Variants in VWA8 observed in about 807,000 individuals in gnomAD.
The protein encoded by VWA8 is von Willebrand factor A domain containing 8.
A neutral mutation model predicts 241.5 loss-of-function variants in VWA8; 221 were observed. The observed-to-expected ratio is 0.91, with a 90% CI of 0.82 to 1.02. The LOEUF (loss-of-function observed/expected upper bound fraction) is 1.02, where lower values mean the gene tolerates loss of function less well. VWA8 is among the 50% of genes least tolerant of loss of function. The probability of loss-of-function intolerance (pLI) is 0.00; values close to 1 mark genes in which losing one functional copy is unlikely to be tolerated. For missense variants in VWA8, 2,322 were observed against 2,328.7 expected (o/e 1.00, Z 0.06); for synonymous variants, 852 against 827.1 (o/e 1.03, Z -0.52).
chr13:41,847,465 C>A (rs1457357107), intron 12 of VWA8, among the ~76,000 whole-genome samples: 1 of 152,164 alleles, frequency 6.6e-6, no homozygotes, highest in Non-Finnish European at 1.5e-5. Context: ...AGAAGCCAGA[C>A]AGATTTAAGG....
intron 37 of VWA8, among the ~76,000 whole-genome samples, chr13:41,652,772 A>G (rs1454544280): frequency 6.6e-6 from 1 of 152,220 alleles, no homozygotes; most frequent in Non-Finnish European, 1.5e-5. Flanking sequence ...TCTTTCATAA[A>G]AGCCTTTCAT....
intron 35 of VWA8, among the ~76,000 whole-genome samples, chr13:41,683,702 T>C (rs1593695067): frequency 6.6e-6 from 1 of 152,138 alleles, no homozygotes. Flanking sequence ...ATCAGAAGGC[T>C]ATGGCAACAT....
At chr13:41,915,235 C>G (rs1876195958) in intron 2 of VWA8, among the ~76,000 whole-genome samples, 1 of 152,176 alleles carries the variant, frequency 6.6e-6, no homozygotes, top group African/African-American at 2.4e-5. Flanking sequence ...GTTTATGCTC[C>G]TGGGAGTGTC....
At position 41,833,337 on chromosome 13, in the gene VWA8, G is replaced by A. The variant is rs200980189; in HGVS notation, c.1586+34C>T. The A allele has an allele frequency of 2.2e-5, 34 of 1,575,670 alleles. No homozygotes were observed. The African/African-American group carries it at 3.4e-4, about 16-fold the overall frequency. The stretch of plus-strand genomic sequence containing the variant: ...TACTGCTTAAGTCAGAGTGGGGTGT[G>A]TGTCTGTGTGTGATTTTTGTGACTC... On this transcript the variant is annotated intron_variant, in intron 13 of 44. Coordinates refer to ENST00000379310, the MANE Select transcript of VWA8 (RefSeq NM_015058.2).
At chr13:41,935,969 C>A (rs1877330669) in intron 2 of VWA8, among the ~76,000 whole-genome samples, 1 of 152,112 alleles carries the variant, frequency 6.6e-6, no homozygotes, top group African/African-American at 2.4e-5. Context: ...CTTCTACTTT[C>A]TATCTCTACC....
chr13:41,915,988 T>C (rs952502749), intron 2 of VWA8, among the ~76,000 whole-genome samples: 3 of 152,190 alleles, frequency 2.0e-5, no homozygotes, highest in South Asian at 2.1e-4. Flanking sequence ...AGCAGACCTA[T>C]TGTATAAAGA....
intron 21 of VWA8, among the ~76,000 whole-genome samples, chr13:41,755,539 T>G (rs1467060803): frequency 6.6e-6 from 1 of 151,980 alleles, no homozygotes; most frequent in Non-Finnish European, 1.5e-5. Flanking sequence ...ATAGATAACA[T>G]ATCTATACTT....
At chr13:41,571,962 C>A (rs1387944822) in intron 43 of VWA8, among the ~76,000 whole-genome samples, 2 of 152,240 alleles carry the variant, frequency 1.3e-5, no homozygotes, top group East Asian at 3.9e-4. Context: ...GACCGGCCGC[C>A]CAGTCTGGGA....
At chr13:41,778,428 C>A (rs192507759) in intron 19 of VWA8, among the ~76,000 whole-genome samples, 1 of 152,094 alleles carries the variant, frequency 6.6e-6, no homozygotes, top group Non-Finnish European at 1.5e-5. Context: ...CTGTACACTT[C>A]TAGGGAACAT....
intron 19 of VWA8, among the ~76,000 whole-genome samples, chr13:41,781,316 C>T (rs1245247442): frequency 6.6e-6 from 1 of 152,074 alleles, no homozygotes; most frequent in Non-Finnish European, 1.5e-5. Context: ...CCTAAATGAG[C>T]TATTGTCTCA....
At chr13:41,573,540 C>CGT (rs201801178) in intron 43 of VWA8, among the ~76,000 whole-genome samples, 1,699 of 125,082 alleles carry the variant, frequency 0.014, 41 homozygotes, top group African/African-American at 0.051. Flanking sequence ...TATATATATA[C>CGT]GTATATATAA....
rs185415973 is a variant in VWA8 at position 41,609,278 on chromosome 13, C to T, written c.4877+2298G>A. The stretch of plus-strand genomic sequence containing the variant: ...CCATAAAAGCATCAATGGTGGGAAC[C>T]GACCTCATTCTGCATATGCCTAAGT... On this transcript the variant is annotated intron_variant, in intron 39 of 44. Transcript: ENST00000379310. Among the ~76,000 whole-genome samples, 21 of 152,258 alleles carry T rather than the reference C, an allele frequency of 1.4e-4. No individual in the cohort carries two copies. In the East Asian group the frequency reaches 3.5e-3, roughly 25 times the overall value.
At chr13:41,744,713 A>C (rs1484733630) in intron 21 of VWA8, among the ~76,000 whole-genome samples, 1 of 152,238 alleles carries the variant, frequency 6.6e-6, no homozygotes, top group Non-Finnish European at 1.5e-5. Context: ...GCTGGTGCTG[A>C]CTAGAAAGGT....
intron 5 of VWA8, among the ~76,000 whole-genome samples, chr13:41,888,659 C>A (rs1363561355): frequency 2.6e-5 from 4 of 152,100 alleles, no homozygotes; most frequent in South Asian, 2.1e-4. Context: ...ATTTTTGTAC[C>A]CTTTTACTTT....
chr13:41,632,895 A>G (rs1336657728), intron 37 of VWA8, among the ~76,000 whole-genome samples: 1 of 152,200 alleles, frequency 6.6e-6, no homozygotes, highest in East Asian at 1.9e-4. Context: ...ATACAAAATA[A>G]TAACATAAGG....
chr13:41,743,663 C>T (rs997696624), intron 21 of VWA8, among the ~76,000 whole-genome samples: 1 of 152,174 alleles, frequency 6.6e-6, no homozygotes, highest in Non-Finnish European at 1.5e-5. Context: ...CCATTTATTC[C>T]TTATCACATT....
chr13:41,947,361 T>A (rs1157995269), intron 2 of VWA8, among the ~76,000 whole-genome samples: 1 of 152,110 alleles, frequency 6.6e-6, no homozygotes, highest in Non-Finnish European at 1.5e-5. Flanking sequence ...GAGACTAAGA[T>A]TAGATCAAGA....
At position 41,575,826 on chromosome 13, in the gene VWA8, C is replaced by T; in HGVS notation, c.5284G>A (p.Gly1762Arg). The change falls in exon 43 of 45, where the codon GGA becomes AGA. Residue 1762 changes from glycine (G) to arginine (R), a missense_variant. Transcript: ENST00000379310. ...YEEKFQYDIVGHSGDGYNIGL... is the reference protein window; with the variant it reads ...YEEKFQYDIVRHSGDGYNIGL... Reference sequence around the variant, plus strand: ...ATGTTGTAGCCATCTCCAGAGTGTCCAACGATGTCATACTACATGCAAGAG... The same window carrying T: ...ATGTTGTAGCCATCTCCAGAGTGTCTAACGATGTCATACTACATGCAAGAG... 8.1e-6 allele frequency: 13 copies of T among 1,611,528 alleles called. No individual in the cohort carries two copies. The highest frequency in any genetic ancestry group is 1.1e-5 in the Non-Finnish European group (13 of 1,179,300).
chr13:41,868,908 G>GAAAAAA (rs1299121357), intron 9 of VWA8, among the ~76,000 whole-genome samples: 1 of 121,868 alleles, frequency 8.2e-6, no homozygotes, highest in Non-Finnish European at 1.8e-5. Flanking sequence ...AAAAAAAAAG[G>GAAAAAA]AAAAAAAAAA....
Sources: allele counts gnomAD v4.1 joint callset (sites outside exome capture counted in the v4.1 genomes callset), GRCh38; gene constraint gnomAD v4.1.1; transcripts MANE v1.5; gene names NCBI Gene and HGNC (gene_info 2026-07-23, HGNC 2026-07-21).